The following PLXNA4 variants were observed in gnomAD, a reference collection of about 807,000 sequenced individuals.
PLXNA4 encodes plexin A4, also known as plexin-A4.
Under a neutral mutation model 191.8 loss-of-function variants are expected in PLXNA4, and 44 were observed. That is an observed-to-expected ratio of 0.23 (90% CI 0.18 to 0.29). The LOEUF (loss-of-function observed/expected upper bound fraction) is 0.29. PLXNA4 is among the 10% of genes least tolerant of loss of function. The pLI, the probability that PLXNA4 is intolerant of heterozygous loss-of-function variation, is 1.00. For synonymous variants in PLXNA4, 1,082 were observed against 1,009.5 expected (o/e 1.07, Z -1.36); for missense variants, 1,800 against 2,488.8 (o/e 0.72, Z 5.89).
At chr7:132,136,744 G>A (rs904192915) in intron 30 of PLXNA4, among the ~76,000 whole-genome samples, 21 of 152,204 alleles carry the variant, frequency 1.4e-4, no homozygotes, top group Non-Finnish European at 2.9e-4. Flanking sequence ...GGTCTCCAAT[G>A]CCCTAAACTC....
chr7:132,634,545 A>G (rs1803558219), intron 2 of PLXNA4, among the ~76,000 whole-genome samples: 2 of 152,148 alleles, frequency 1.3e-5, no homozygotes, highest in Admixed American at 1.3e-4. Flanking sequence ...CTTTGCCTTA[A>G]ATTCAATACT....
chr7:132,230,334 A>T (rs1798483327), intron 5 of PLXNA4, among the ~76,000 whole-genome samples: 2 of 152,212 alleles, frequency 1.3e-5, no homozygotes. Flanking sequence ...TCTTCTCGCC[A>T]TCCTGATGCC....
At chr7:132,480,551 C>T (rs1003969671) in intron 3 of PLXNA4, among the ~76,000 whole-genome samples, 17 of 151,980 alleles carry the variant, frequency 1.1e-4, no homozygotes, top group Non-Finnish European at 1.3e-4. Flanking sequence ...CGGTGAGAAA[C>T]CAAGACAAAG....
chr7:132,614,749 T>G (rs1288260076), intron 2 of PLXNA4, among the ~76,000 whole-genome samples: 2 of 152,234 alleles, frequency 1.3e-5, no homozygotes, highest in African/African-American at 4.8e-5. Context: ...GTTCAGTTTA[T>G]TCAGGTCTCT....
intron 3 of PLXNA4, among the ~76,000 whole-genome samples, chr7:132,355,562 T>C (rs1803664640): frequency 6.6e-6 from 1 of 152,180 alleles, no homozygotes; most frequent in African/African-American, 2.4e-5. Flanking sequence ...CGATTAATAT[T>C]TCCCTGGTAC....
At chr7:132,370,765 C>G (rs1035708215) in intron 3 of PLXNA4, among the ~76,000 whole-genome samples, 2 of 152,192 alleles carry the variant, frequency 1.3e-5, no homozygotes, top group African/African-American at 4.8e-5. Flanking sequence ...CCTTTCCCTG[C>G]CCTGCTCAAG....
chr7:132,187,654 G>A (rs1385012612), intron 14 of PLXNA4, 47 bp from the exon 15 acceptor site: 5 of 1,567,782 alleles, frequency 3.2e-6, no homozygotes, highest in Non-Finnish European at 2.6e-6. Context: ...AAGGGGTGGA[G>A]GAGGCTTCTG....
chr7:132,130,687 G>A (rs1794902353), intron 31 of PLXNA4, 113 bp from the exon 32 acceptor site: 8 of 1,506,144 alleles, frequency 5.3e-6, no homozygotes, highest in Non-Finnish European at 7.2e-6. Context: ...CCACAGGCAT[G>A]TGCAGGGGCA....
chr7:132,584,295 T>C (rs937229300), intron 2 of PLXNA4, among the ~76,000 whole-genome samples: 1 of 152,212 alleles, frequency 6.6e-6, no homozygotes, highest in African/African-American at 2.4e-5. Flanking sequence ...TAAGGAGCCT[T>C]TACTCGTGGT....
intron 4 of PLXNA4, among the ~76,000 whole-genome samples, chr7:132,272,544 T>A (rs2116336262): frequency 6.6e-6 from 1 of 152,288 alleles, no homozygotes; most frequent in East Asian, 1.9e-4. Context: ...TCTTGCATAG[T>A]TTCATTCCTG....
At chr7:132,165,484 T>C (rs1250223330) in intron 22 of PLXNA4, among the ~76,000 whole-genome samples, 1 of 152,158 alleles carries the variant, frequency 6.6e-6, no homozygotes, top group Non-Finnish European at 1.5e-5. Context: ...CGCTGTCCAA[T>C]TGCACGTTCT....
intron 3 of PLXNA4, among the ~76,000 whole-genome samples, chr7:132,435,409 T>G (rs1256180349): frequency 6.6e-6 from 1 of 151,974 alleles, no homozygotes; most frequent in African/African-American, 2.4e-5. Context: ...ATCGGCCCCG[T>G]GGATGGAGCC....
At chr7:132,567,350 G>C (rs939736178) in intron 1 of PLXNA4, among the ~76,000 whole-genome samples, 8 of 120,656 alleles carry the variant, frequency 6.6e-5, no homozygotes, top group Non-Finnish European at 1.1e-4. Flanking sequence ...GTTTTACACA[G>C]AGAGAAATAA....
chr7:132,311,881 A>G, intron 3 of PLXNA4, among the ~76,000 whole-genome samples: 1 of 152,112 alleles, frequency 6.6e-6, no homozygotes, highest in African/African-American at 2.4e-5. Flanking sequence ...GCTGGAGCTG[A>G]GAAGGGCATC....
intron 3 of PLXNA4, among the ~76,000 whole-genome samples, chr7:132,323,734 A>G (rs1017569931): frequency 3.9e-5 from 6 of 152,182 alleles, no homozygotes; most frequent in African/African-American, 1.4e-4. Flanking sequence ...TGAACCCAAG[A>G]TTGAGAAACC....
chr7:132,151,628 G>A (rs1209324490), intron 25 of PLXNA4, among the ~76,000 whole-genome samples: 1 of 151,300 alleles, frequency 6.6e-6, no homozygotes, highest in African/African-American at 2.4e-5. Flanking sequence ...AGGGGAAGGA[G>A]AGGAAGGAGA....
At chr7:132,176,473 A>C (rs1796459860) in intron 20 of PLXNA4, among the ~76,000 whole-genome samples, 1 of 152,156 alleles carries the variant, frequency 6.6e-6, no homozygotes, top group African/African-American at 2.4e-5. Context: ...CATGTGCATG[A>C]GCATAGGTGT....
chr7:132,253,732 G>T (rs1184834050), intron 4 of PLXNA4, among the ~76,000 whole-genome samples: 1 of 151,958 alleles, frequency 6.6e-6, no homozygotes, highest in Non-Finnish European at 1.5e-5. Flanking sequence ...TCATTGTTTG[G>T]CAATGCCTTA....
chr7:132,627,449 C>T (rs1803401620), intron 2 of PLXNA4, among the ~76,000 whole-genome samples: 1 of 150,846 alleles, frequency 6.6e-6, no homozygotes, highest in Non-Finnish European at 1.5e-5. Flanking sequence ...ATTTCTTTTC[C>T]TGTACAGTTT....
Sources: allele counts gnomAD v4.1 joint callset (sites outside exome capture counted in the v4.1 genomes callset), GRCh38; gene constraint gnomAD v4.1.1; transcripts MANE v1.5; gene names NCBI Gene and HGNC (gene_info 2026-07-23, HGNC 2026-07-21).